The following MACROD2 variants were observed in gnomAD, a reference collection of about 807,000 sequenced individuals.
MACROD2 encodes ADP-ribose glycohydrolase MACROD2.
In MACROD2, 36 loss-of-function variants were observed where a neutral mutation model predicts 70.4. That is an observed-to-expected ratio of 0.51 (90% CI 0.39 to 0.68). The LOEUF (loss-of-function observed/expected upper bound fraction) is 0.68. Among genes scored for constraint, MACROD2 ranks in the 30% least tolerant of loss-of-function variants. MACROD2 has a pLI of 0.00. For synonymous variants in MACROD2, 172 were observed against 178.8 expected, an observed-to-expected ratio of 0.96 and a Z score of 0.30; for missense variants, 496 against 538.4, an observed-to-expected ratio of 0.92 and a Z score of 0.78.
intron 5 of MACROD2, among the ~76,000 whole-genome samples, chr20:15,119,033 TC>T (rs1460926223): frequency 6.6e-6 from 1 of 152,226 alleles, no homozygotes; most frequent in Non-Finnish European, 1.5e-5. Flanking sequence ...TGCATCAAAC[TC>T]TACCCTATGT....
chr20:15,699,916 C>G (rs909347696), intron 8 of MACROD2, among the ~76,000 whole-genome samples: 1 of 152,114 alleles, frequency 6.6e-6, no homozygotes, highest in Non-Finnish European at 1.5e-5. Flanking sequence ...ACCTAGGAAG[C>G]CCCCAGGGCC....
At chr20:14,141,242 G>C (rs192840013) in intron 3 of MACROD2, among the ~76,000 whole-genome samples, 1 of 152,098 alleles carries the variant, frequency 6.6e-6, no homozygotes, top group Admixed American at 6.5e-5. Flanking sequence ...CTTTATCTAA[G>C]ACACTTCAGT....
intron 4 of MACROD2, among the ~76,000 whole-genome samples, chr20:14,655,766 T>C (rs1387776885): frequency 6.6e-6 from 1 of 152,232 alleles, no homozygotes; most frequent in Admixed American, 6.5e-5. Context: ...TAACTTCCTG[T>C]GATTCATCAG....
intron 8 of MACROD2, among the ~76,000 whole-genome samples, chr20:15,799,360 A>G (rs2147068988): frequency 6.6e-6 from 1 of 152,280 alleles, no homozygotes. Flanking sequence ...GAGTTATTCT[A>G]ATGAGCTATC....
chr20:14,770,656 C>CTGACTAGATT (rs1182411217), intron 5 of MACROD2, among the ~76,000 whole-genome samples: 1 of 152,044 alleles, frequency 6.6e-6, no homozygotes, highest in Non-Finnish European at 1.5e-5. Flanking sequence ...CTGACTAGAT[C>CTGACTAGATT]TGACTAGATT....
intron 4 of MACROD2, among the ~76,000 whole-genome samples, chr20:14,541,687 C>T (rs546876306): frequency 5.9e-5 from 9 of 151,980 alleles, no homozygotes; most frequent in South Asian, 4.2e-4. Context: ...ATAAAACCGC[C>T]GGTATTATCA....
intron 5 of MACROD2, among the ~76,000 whole-genome samples, chr20:15,111,662 A>G (rs1601089714): frequency 6.6e-6 from 1 of 152,214 alleles, no homozygotes. Context: ...CATTTTCATT[A>G]TGCACTTTGG....
intron 4 of MACROD2, among the ~76,000 whole-genome samples, chr20:14,501,710 A>C (rs1338686254): frequency 6.6e-6 from 1 of 152,132 alleles, no homozygotes; most frequent in Non-Finnish European, 1.5e-5. Flanking sequence ...ATCATGCTCA[A>C]AGATAGGAAT....
intron 3 of MACROD2, among the ~76,000 whole-genome samples, chr20:14,339,347 T>C (rs917561520): frequency 2.0e-5 from 3 of 152,216 alleles, no homozygotes; most frequent in South Asian, 2.1e-4. Flanking sequence ...TAAACTGATA[T>C]GCAGCAGCTG....
chr20:15,631,855 C>T (rs1427823638), intron 8 of MACROD2, among the ~76,000 whole-genome samples: 1 of 152,144 alleles, frequency 6.6e-6, no homozygotes, highest in African/African-American at 2.4e-5. Context: ...TGAAAACAGT[C>T]AGCTGGGCAT....
At chr20:15,021,198 C>G (rs1175023016) in intron 5 of MACROD2, among the ~76,000 whole-genome samples, 2 of 102,634 alleles carry the variant, frequency 1.9e-5, no homozygotes, top group African/African-American at 4.1e-5. Flanking sequence ...ATACACACAC[C>G]TGTGTGTATG....
intron 5 of MACROD2, among the ~76,000 whole-genome samples, chr20:15,046,546 C>T (rs888106210): frequency 3.3e-5 from 5 of 152,154 alleles, no homozygotes; most frequent in Admixed American, 1.3e-4. Context: ...GGTATGTGTG[C>T]GCACACACAC....
At chr20:14,384,866 T>C (rs2083454839) in intron 3 of MACROD2, among the ~76,000 whole-genome samples, 2 of 152,134 alleles carry the variant, frequency 1.3e-5, no homozygotes, top group African/African-American at 4.8e-5. Context: ...TGGAATTCTT[T>C]GGTAGTTCTT....
intron 6 of MACROD2, among the ~76,000 whole-genome samples, chr20:15,417,679 A>G (rs1330796950): frequency 6.6e-6 from 1 of 151,878 alleles, no homozygotes; most frequent in Non-Finnish European, 1.5e-5. Flanking sequence ...CAACAGCAAT[A>G]TCAACTAGGA....
At chr20:15,700,403 G>A (rs1229742450) in intron 8 of MACROD2, among the ~76,000 whole-genome samples, 1 of 152,184 alleles carries the variant, frequency 6.6e-6, no homozygotes, top group African/African-American at 2.4e-5. Context: ...CCCTTGGGGC[G>A]TGGAATCCCT....
intron 3 of MACROD2, among the ~76,000 whole-genome samples, chr20:14,089,309 G>A (rs1231526502): frequency 6.6e-6 from 1 of 152,176 alleles, no homozygotes; most frequent in Non-Finnish European, 1.5e-5. Context: ...TGTGGAAGGA[G>A]TGGAACAGCT....
At chr20:15,922,951 A>G (rs901448096) in intron 10 of MACROD2, among the ~76,000 whole-genome samples, 2 of 126,386 alleles carry the variant, frequency 1.6e-5, no homozygotes, top group African/African-American at 6.2e-5. Flanking sequence ...AATTCTATAC[A>G]TTGATTTTAT....
At chr20:15,001,776 T>C (rs902420108) in intron 5 of MACROD2, among the ~76,000 whole-genome samples, 1 of 152,058 alleles carries the variant, frequency 6.6e-6, no homozygotes, top group South Asian at 2.1e-4. Context: ...GTAAGTTCTT[T>C]AGTGGTGATT....
intron 4 of MACROD2, among the ~76,000 whole-genome samples, chr20:14,510,541 C>G (rs190618137): frequency 2.6e-4 from 39 of 152,016 alleles, no homozygotes; most frequent in Middle Eastern, 3.4e-3. Flanking sequence ...GGATCACATA[C>G]AAGATTATGA....
Sources: allele counts gnomAD v4.1 joint callset (sites outside exome capture counted in the v4.1 genomes callset), GRCh38; gene constraint gnomAD v4.1.1; transcripts MANE v1.5; gene names NCBI Gene and HGNC (gene_info 2026-07-23, HGNC 2026-07-21).